CA13: variants seen among roughly 807,000 people sequenced by gnomAD.
CA13 encodes the protein CA-XIII.
Under a neutral mutation model 31.5 loss-of-function variants are expected in CA13, and 21 were observed. That is an observed-to-expected ratio of 0.67 (90% confidence interval 0.47 to 0.96). The LOEUF (loss-of-function observed/expected upper bound fraction) is 0.96. Ranked by LOEUF, CA13 falls within the 40% of genes least tolerant of loss-of-function variation. The pLI, the probability that CA13 is intolerant of heterozygous loss-of-function variation, is 0.00. For missense variants in CA13, 315 were observed against 318.9 expected (o/e 0.99, Z 0.09); for synonymous variants, 117 against 111.4 (o/e 1.05, Z -0.32).
At chr8:85,275,579 C>T (rs770460928) in intron 6 of CA13, among the ~76,000 whole-genome samples, 10 of 152,080 alleles carry the variant, frequency 6.6e-5, no homozygotes, top group Admixed American at 3.3e-4. Context: ...GGAAATGCCA[C>T]GGGTGATTTT....
chr8:85,260,066 T>G (rs1807355368), intron 3 of CA13, among the ~76,000 whole-genome samples: 1 of 152,184 alleles, frequency 6.6e-6, no homozygotes, highest in South Asian at 2.1e-4. Flanking sequence ...AAACTCTACT[T>G]TATCTCTATA....
intron 6 of CA13, among the ~76,000 whole-genome samples, chr8:85,280,004 G>A (rs1434363626): frequency 6.6e-6 from 1 of 152,082 alleles, no homozygotes; most frequent in East Asian, 1.9e-4. Flanking sequence ...CAAAATGGCC[G>A]GGTGCAGTGG....
At chr8:85,273,636 G>C (rs1444693238) in intron 6 of CA13, among the ~76,000 whole-genome samples, 1 of 151,998 alleles carries the variant, frequency 6.6e-6, no homozygotes, top group Non-Finnish European at 1.5e-5. Flanking sequence ...TGAAGACCGA[G>C]AGGGAGGCCA....
At chr8:85,281,038 G>T (rs575284883) in intron 6 of CA13, among the ~76,000 whole-genome samples, 192 bp from the exon 7 acceptor site, 1 of 152,068 alleles carries the variant, frequency 6.6e-6, no homozygotes, top group Non-Finnish European at 1.5e-5. Flanking sequence ...ATTTAATTTT[G>T]GAACCTGTAG....
intron 6 of CA13, among the ~76,000 whole-genome samples, chr8:85,273,701 A>G (rs1807560698): frequency 6.6e-6 from 1 of 151,802 alleles, no homozygotes; most frequent in African/African-American, 2.4e-5. Context: ...TTTACAGAGG[A>G]CTGTAAAACC....
At chr8:85,280,228 C>T (rs767866967) in intron 6 of CA13, among the ~76,000 whole-genome samples, 2 of 152,086 alleles carry the variant, frequency 1.3e-5, no homozygotes, top group Non-Finnish European at 2.9e-5. Context: ...TGCAGTGAGC[C>T]GAGATTCTGC....
chr8:85,275,730 A>G (rs949773253), intron 6 of CA13, among the ~76,000 whole-genome samples: 105 of 152,266 alleles, frequency 6.9e-4, no homozygotes, highest in Admixed American at 4.6e-4. Context: ...TCCCATTACG[A>G]CTACCGGATA....
chr8:85,266,536 G>A (rs1199727235), intron 3 of CA13, 72 bp from the exon 4 acceptor site: 2 of 1,172,414 alleles, frequency 1.7e-6, no homozygotes, highest in African/African-American at 1.5e-5. Flanking sequence ...ATTTGTAAAT[G>A]TTTTATTTGC....
intron 3 of CA13, among the ~76,000 whole-genome samples, chr8:85,260,572 T>C (rs972843965): frequency 3.3e-5 from 5 of 152,232 alleles, no homozygotes; most frequent in Admixed American, 3.3e-4. Context: ...CTGAAATGTT[T>C]GCTTTGCCAC....
chr8:85,247,184 T>C (rs1354298478), intron 1 of CA13, among the ~76,000 whole-genome samples: 1 of 152,216 alleles, frequency 6.6e-6, no homozygotes, highest in Non-Finnish European at 1.5e-5. Context: ...CAAATCTTTT[T>C]TCATTTCCCT....
chr8:85,269,654 G>C (rs1807501987), intron 6 of CA13, among the ~76,000 whole-genome samples: 1 of 152,142 alleles, frequency 6.6e-6, no homozygotes, highest in Admixed American at 6.5e-5. Flanking sequence ...TTTCTGTGTA[G>C]ACATCTACTC....
At chr8:85,265,557 C>G (rs900565995) in intron 3 of CA13, among the ~76,000 whole-genome samples, 2 of 152,044 alleles carry the variant, frequency 1.3e-5, no homozygotes, top group African/African-American at 4.8e-5. Context: ...TCCCTTCCCC[C>G]TTGTTTTATC....
At chr8:85,256,696 G>T (rs1807301982) in intron 2 of CA13, among the ~76,000 whole-genome samples, 1 of 152,154 alleles carries the variant, frequency 6.6e-6, no homozygotes, top group African/African-American at 2.4e-5. Flanking sequence ...ATTATATAAA[G>T]CTCTATTATG....
chr8:85,246,678 G>A (rs1181286192), intron 1 of CA13: 2 of 346,370 alleles, frequency 5.8e-6, no homozygotes, highest in South Asian at 4.5e-5. Context: ...ACGTTAAACT[G>A]AACTGATTGT....
chr8:85,246,687 G>A (rs1813737817), intron 1 of CA13: 1 of 338,692 alleles, frequency 3.0e-6, no homozygotes, highest in South Asian at 2.4e-5. Context: ...TGAACTGATT[G>A]TTTAAATAAT....
intron 2 of CA13, among the ~76,000 whole-genome samples, chr8:85,258,946 G>C (rs1160297831): frequency 1.3e-5 from 2 of 151,426 alleles, no homozygotes; most frequent in Non-Finnish European, 1.5e-5. Flanking sequence ...AAAAAAAGAA[G>C]TTAGAGTTTG....
intron 6 of CA13, among the ~76,000 whole-genome samples, chr8:85,277,719 G>A (rs561684030): frequency 1.3e-5 from 2 of 152,288 alleles, no homozygotes; most frequent in Non-Finnish European, 2.9e-5. Flanking sequence ...GGGTGCAGAC[G>A]GGCTGAGGCC....
At chr8:85,266,562 G>T (rs985639517) in intron 3 of CA13, 46 bp from the exon 4 acceptor site, 2 of 1,399,766 alleles carry the variant, frequency 1.4e-6, no homozygotes, top group Admixed American at 3.6e-5. Flanking sequence ...TGTTTTTCAG[G>T]ATGTCTAACA....
intron 2 of CA13, among the ~76,000 whole-genome samples, chr8:85,257,986 A>T (rs1807324737): frequency 6.8e-6 from 1 of 147,952 alleles, no homozygotes; most frequent in African/African-American, 2.5e-5. Context: ...AAATATATAA[A>T]ATATACTTAT....
Sources: gnomAD v4.1 joint callset for allele counts (sites outside exome capture counted in the v4.1 genomes callset) on GRCh38, gnomAD v4.1.1 for gene constraint, MANE v1.5 for transcripts, NCBI Gene and HGNC (gene_info 2026-07-23, HGNC 2026-07-21) for gene names.